The following TLCD3B variants were observed in gnomAD, a reference collection of about 807,000 sequenced individuals.
The protein encoded by TLCD3B is ceramide synthase.
TLCD3B carries 9 observed loss-of-function variants against 23.0 expected under a neutral mutation model. The observed-to-expected ratio is 0.39, with a 90% confidence interval of 0.24 to 0.68. The LOEUF (loss-of-function observed/expected upper bound fraction) is 0.68, where lower values mean the gene tolerates loss of function less well. Ranked by LOEUF, TLCD3B falls within the 30% of genes least tolerant of loss-of-function variation. The pLI, the probability that TLCD3B is intolerant of heterozygous loss-of-function variation, is 0.44. For missense variants in TLCD3B, 307 were observed against 371.8 expected, an observed-to-expected ratio of 0.83 and a Z score of 1.43; for synonymous variants, 161 against 161.0, an observed-to-expected ratio of 1.00 and a Z score of 0.00.
intron 3 of TLCD3B, among the ~76,000 whole-genome samples, chr16:30,026,049 T>A (rs1401409815): frequency 6.6e-6 from 1 of 151,920 alleles, no homozygotes; most frequent in East Asian, 1.9e-4. Context: ...CTGGCCAACA[T>A]GGTGAAACCC....
intron 3 of TLCD3B, among the ~76,000 whole-genome samples, chr16:30,038,980 T>C (rs1011041717): frequency 5.9e-5 from 9 of 151,676 alleles, no homozygotes; most frequent in African/African-American, 1.7e-4. Context: ...ATAGAAAACA[T>C]AAACTTATTT....
rs1315538932 is a variant in TLCD3B, at chr16:30,030,945, T to TG, written c.-419dup. 6 of 8,998 alleles carry TG rather than the reference T, an allele frequency of 6.7e-4. No homozygotes were observed. The East Asian group carries it at 0.033, about 49-fold the overall frequency. 0.6% of individuals were successfully genotyped at this position (8,998 alleles called of 1,614,324 possible). A position where few individuals can be genotyped will look rare whatever the true frequency, so the allele number is the denominator to read the frequency against. The stretch of plus-strand genomic sequence containing the variant: ...AGGGCCCGAGGAGGCGGGGAGGGGG[T>TG]GGGGGTGGGTCTGAGTACCAGCCCC... On this transcript the variant is annotated 5_prime_UTR_variant, in exon 1 of 5. Transcript: ENST00000380495.
chr16:30,029,486 G>T lies in TLCD3B; in HGVS notation c.155C>A (p.Ala52Asp). Residue 52 changes from alanine (A) to aspartate (D), a missense_variant, in exon 2 of 5, where the codon GCC becomes GAC. Coordinates refer to ENST00000380495, the MANE Select transcript of TLCD3B (RefSeq NM_031478.6). This position sits in a 1 kb window ranked among gnomAD's most constrained non-coding sequence, Gnocchi z 4.6. ...RLVSSVQAIMASTAGYIVSTS... is the reference protein window; with the variant it reads ...RLVSSVQAIMDSTAGYIVSTS... ...GGAGACGATGTAGCCGGCAGTGGAG[G>T]CCATGATGGCCTGGACAGAGGACAC... is the stretch of plus-strand genomic sequence containing the variant. The T allele has an allele frequency of 6.2e-7, 1 of 1,614,028 alleles. No homozygotes were observed. Among genetic ancestry groups the T allele is most frequent in the Non-Finnish European group, 8.5e-7 (1 of 1,179,946 alleles).
chr16:30,038,771 T>A (rs886325862), intron 3 of TLCD3B, among the ~76,000 whole-genome samples: 15 of 145,910 alleles, frequency 1.0e-4, no homozygotes, highest in East Asian at 2.0e-4. Context: ...AAAAAAAAAA[T>A]TTAATTAAAA....
Position 30,049,923 on chromosome 16 carries a change from CAA to C in TLCD3B, c.-294+2849_-294+2850del, listed in dbSNP as rs35810240. Among the ~76,000 whole-genome samples the C allele has an allele frequency of 1.2e-3, 160 of 130,944 alleles. 1 individual carries two copies. The South Asian group carries it at 0.014, about 11-fold the overall frequency. The allele number at this position is 130,944 out of a possible 152,430, so 85.9% of individuals were successfully genotyped here. A position where few individuals can be genotyped will look rare whatever the true frequency, so the allele number is the denominator to read the frequency against. On this transcript the variant is annotated intron_variant, in intron 1 of 6. Coordinates refer to the TLCD3B transcript ENST00000561666. ...TGGGCAACAGAGCAAGACTCCATCTCAAAAAAAAAAAAAAAGAGAAAGAAAAG... is the reference window on the plus strand; with the variant it reads ...TGGGCAACAGAGCAAGACTCCATCTCAAAAAAAAAAAAAGAGAAAGAAAAG...
chr16:30,051,242 G>T (rs1044680773), intron 1 of TLCD3B, among the ~76,000 whole-genome samples: 16 of 151,616 alleles, frequency 1.1e-4, no homozygotes, highest in African/African-American at 3.9e-4. Flanking sequence ...TTTATTAAAA[G>T]AAAAAAACAG....
At chr16:30,045,254 G>T (rs1215920970) in intron 2 of TLCD3B, among the ~76,000 whole-genome samples, 1 of 151,160 alleles carries the variant, frequency 6.6e-6, no homozygotes, top group African/African-American at 2.4e-5. Context: ...GGGTGTGTGT[G>T]TGGTGTGTGT....
At chr16:30,052,371 AAATAAATAAATCAATT>A (rs1004613511) in intron 1 of TLCD3B, among the ~76,000 whole-genome samples, 4 of 151,876 alleles carry the variant, frequency 2.6e-5, no homozygotes, top group Non-Finnish European at 4.4e-5. Context: ...TGTCTCCAAA[AAATAAATAAATCAATT>A]AATAAATAAA....
At position 30,029,470 on chromosome 16, in the gene TLCD3B, G is replaced by A; in HGVS notation, c.171C>T (p.Tyr57=). 6.2e-7 allele frequency: 1 copy of A among 1,614,066 alleles called. No individual in the cohort carries two copies. The highest frequency in any genetic ancestry group is 8.5e-7 in the Non-Finnish European group (1 of 1,179,972). ...VQAIMASTAG[Y]IVSTSCKHII... ...TGTGCTTGCAGGAGGTGGAGACGAT[G>A]TAGCCGGCAGTGGAGGCCATGATGG... Residue 57 remains tyrosine (Y), a synonymous_variant, in exon 2 of 5, where the codon TAC becomes TAT. Coordinates refer to ENST00000380495, the MANE Select transcript of TLCD3B (RefSeq NM_031478.6). This position sits in a 1 kb window ranked among gnomAD's most constrained non-coding sequence, Gnocchi z 4.6.
chr16:30,039,933 A>C (rs973703446), intron 3 of TLCD3B, among the ~76,000 whole-genome samples: 2 of 151,830 alleles, frequency 1.3e-5, no homozygotes, highest in African/African-American at 4.8e-5. Context: ...CAGGAGTTCG[A>C]GACCAGCCTG....
chr16:30,036,843 G>C (rs2150989878), intron 3 of TLCD3B, among the ~76,000 whole-genome samples: 1 of 152,258 alleles, frequency 6.6e-6, no homozygotes, highest in South Asian at 2.1e-4. Context: ...CCAGCACTTT[G>C]GGAGGCTGAG....
chr16:30,049,631 G>A (rs1320441240), intron 1 of TLCD3B, among the ~76,000 whole-genome samples: 1 of 152,050 alleles, frequency 6.6e-6, no homozygotes, highest in Non-Finnish European at 1.5e-5. Context: ...GTGGATAGAA[G>A]TGGGGCCTCG....
chr16:30,035,634 T>C (rs1200523984), upstream of TLCD3B, among the ~76,000 whole-genome samples: 3 of 152,180 alleles, frequency 2.0e-5, no homozygotes, highest in Non-Finnish European at 1.5e-5. Context: ...ACCTCTTCTC[T>C]AAGCTCCTAG....
chr16:30,040,810 C>A (rs2071569589), intron 3 of TLCD3B, among the ~76,000 whole-genome samples: 1 of 151,978 alleles, frequency 6.6e-6, no homozygotes, highest in African/African-American at 2.4e-5. Flanking sequence ...CGTGCACCAC[C>A]ACACCTGGCT....
chr16:30,029,602 G>T lies in TLCD3B; in HGVS notation c.126-87C>A. ...TCCTCGTTGCTAGTCTAACGACTGCGCTTTGCGTTCAGCCACTTCTCGGGC... is the reference window on the plus strand; with the variant it reads ...TCCTCGTTGCTAGTCTAACGACTGCTCTTTGCGTTCAGCCACTTCTCGGGC... On this transcript the variant is annotated intron_variant, in intron 1 of 4. Coordinates refer to ENST00000380495, the MANE Select transcript of TLCD3B (RefSeq NM_031478.6). This position sits in a 1 kb window ranked among gnomAD's most constrained non-coding sequence, Gnocchi z 4.6. The T allele has an allele frequency of 8.5e-7, 1 of 1,177,872 alleles. No homozygotes were observed. The highest frequency in any genetic ancestry group is 1.2e-6 in the Non-Finnish European group (1 of 806,662). 73.0% of individuals were successfully genotyped at this position (1,177,872 alleles called of 1,614,324 possible). A position where few individuals can be genotyped will look rare whatever the true frequency, so the allele number is the denominator to read the frequency against.
rs540702888 is a variant in TLCD3B, at chr16:30,029,754, T to G, written c.126-239A>C. On this transcript the variant is annotated intron_variant, in intron 1 of 4. Transcript: ENST00000380495. The surrounding 1 kb of genome is among the most constrained non-coding windows in gnomAD (Gnocchi z 4.6). Reference sequence around the variant, plus strand: ...ACCCCACTCCTTGCCACCTTCTTCCTTCCCCATTTGTGGAAACTGAGTCTC... The same window carrying G: ...ACCCCACTCCTTGCCACCTTCTTCCGTCCCCATTTGTGGAAACTGAGTCTC... Among the ~76,000 whole-genome samples, 440 of 152,284 alleles carry G rather than the reference T, an allele frequency of 2.9e-3. 8 individuals carry two copies. Among genetic ancestry groups the G allele is most frequent in the Admixed American group, 4.8e-3 (74 of 15,302 alleles).
chr16:30,044,582 G>A (rs561324698), intron 2 of TLCD3B, among the ~76,000 whole-genome samples: 2 of 152,300 alleles, frequency 1.3e-5, no homozygotes, highest in Admixed American at 1.3e-4. Flanking sequence ...AATGTGCTGG[G>A]ATTACAGAAG....
At chr16:30,045,352 G>T (rs1335504905) in intron 2 of TLCD3B, among the ~76,000 whole-genome samples, 61 of 143,330 alleles carry the variant, frequency 4.3e-4, no homozygotes, top group Non-Finnish European at 7.3e-4. Flanking sequence ...TTGTGTGTGT[G>T]GTGTGTGTGT....
chr16:30,049,888 C>A (rs1489090786), intron 1 of TLCD3B, among the ~76,000 whole-genome samples: 1 of 150,498 alleles, frequency 6.6e-6, no homozygotes, highest in East Asian at 1.9e-4. Flanking sequence ...CGCACCACTG[C>A]ACTCTAGCGT....
Sources: gnomAD v4.1 joint callset for allele counts (sites outside exome capture counted in the v4.1 genomes callset) on GRCh38, gnomAD v4.1.1 for gene constraint, Gnocchi (gnomAD v3.1) non-coding constraint, MANE v1.5 for transcripts, NCBI Gene and HGNC (gene_info 2026-07-23, HGNC 2026-07-21) for gene names.